ALG13: variants seen among roughly 807,000 people sequenced by gnomAD.
ALG13 encodes ALG13 UDP-N-acetylglucosaminyltransferase subunit, also known as UDP-N-acetylglucosamine transferase subunit ALG13.
Under a neutral mutation model 87.8 loss-of-function variants are expected in ALG13, and 11 were observed. The observed-to-expected ratio is 0.13, with a 90% CI of 0.08 to 0.21. The LOEUF is 0.21. Among genes scored for constraint, ALG13 ranks in the 10% least tolerant of loss-of-function variants. The probability of loss-of-function intolerance (pLI) is 1.00; values close to 1 mark genes in which losing one functional copy is unlikely to be tolerated. For synonymous variants in ALG13, 320 were observed against 306.3 expected (o/e 1.04, Z -0.47); for missense variants, 756 against 866.1 (o/e 0.87, Z 1.60).
At chrX:111,733,402 C>T (rs1942916856) in intron 21 of ALG13, among the ~76,000 whole-genome samples, 1 of 111,515 alleles carries the variant, frequency 9.0e-6, no homozygotes. Flanking sequence ...TTTTCCATTC[C>T]TGAGTTACTT....
At chrX:111,730,292 T>A (rs770312176) in intron 19 of ALG13, 103 bp from the exon 20 acceptor site, 3 of 692,557 alleles carry the variant, frequency 4.3e-6, no homozygotes, top group Admixed American at 2.9e-5. Flanking sequence ...TTTGAACATA[T>A]AACCATAAAA....
intron 24 of ALG13, among the ~76,000 whole-genome samples, chrX:111,749,659 CTT>C (rs1161624680): frequency 5.8e-5 from 6 of 103,058 alleles, no homozygotes; most frequent in African/African-American, 3.5e-5. Flanking sequence ...GGTTTCTCAA[CTT>C]TTTTTTTTTT....
chrX:111,759,392 T>C (rs1335662989), intron 26 of ALG13, among the ~76,000 whole-genome samples: 1 of 111,297 alleles, frequency 9.0e-6, no homozygotes, highest in African/African-American at 3.3e-5. Flanking sequence ...GTAAAACTAT[T>C]GGATAACTCA....
chrX:111,750,663 ATTTATTTAT>A (rs1944649019), intron 24 of ALG13, among the ~76,000 whole-genome samples: 1 of 107,489 alleles, frequency 9.3e-6, no homozygotes, highest in African/African-American at 3.4e-5. Flanking sequence ...TTACTTATTT[ATTTATTTAT>A]TTATTTATTT....
At position 111,727,607 on chromosome X, in the gene ALG13, A is replaced by G; in HGVS notation, c.2091-7A>G. 1 of 1,194,236 alleles carries G rather than the reference A, an allele frequency of 8.4e-7. No individual in the cohort carries two copies. Among genetic ancestry groups the G allele is most frequent in the Non-Finnish European group, 1.1e-6 (1 of 887,292 alleles). On this transcript the variant is annotated splice_region_variant and splice_polypyrimidine_tract_variant and intron_variant, in intron 17 of 26. Coordinates refer to ENST00000394780, the MANE Select transcript of ALG13 (RefSeq NM_001099922.3). ...TTTTTACTTTTTTATTATTTGAACCACTTAAGTTCATTTAGACGTAGTCAC... is the reference window on the plus strand; with the variant it reads ...TTTTTACTTTTTTATTATTTGAACCGCTTAAGTTCATTTAGACGTAGTCAC...
At chrX:111,749,714 G>A (rs759891896) in intron 24 of ALG13, among the ~76,000 whole-genome samples, 119 of 109,937 alleles carry the variant, frequency 1.1e-3, no homozygotes, top group Middle Eastern at 4.7e-3. Flanking sequence ...GTGTCCCTAT[G>A]TATTTGGGTT....
At chrX:111,738,919 G>A (rs1172506761) in intron 23 of ALG13, among the ~76,000 whole-genome samples, 2 of 108,378 alleles carry the variant, frequency 1.8e-5, no homozygotes, top group Non-Finnish European at 3.8e-5. Context: ...ATTTAAAAGC[G>A]ACATATTTGA....
chrX:111,712,792 C>T (rs960761685), intron 7 of ALG13, among the ~76,000 whole-genome samples: 2 of 112,028 alleles, frequency 1.8e-5, no homozygotes, highest in Non-Finnish European at 1.9e-5. Flanking sequence ...CATTCACTTA[C>T]GCATTGTCTG....
intron 3 of ALG13, chrX:111,689,198 G>A (rs1403847860): frequency 1.1e-4 from 82 of 745,071 alleles, no homozygotes; most frequent in Non-Finnish European, 1.3e-4. Flanking sequence ...AATCTAAAAA[G>A]TGAGTAATCT....
chrX:111,731,234 G>T (rs1310285635), intron 21 of ALG13, among the ~76,000 whole-genome samples: 1 of 112,109 alleles, frequency 8.9e-6, no homozygotes, highest in African/African-American at 3.2e-5. Context: ...TGGGCTATGT[G>T]TAGTACTTGT....
At chrX:111,702,670 G>A (rs377759464) in intron 3 of ALG13, among the ~76,000 whole-genome samples, 2 of 109,845 alleles carry the variant, frequency 1.8e-5, no homozygotes, top group African/African-American at 6.6e-5. Context: ...ATCTTCCTGC[G>A]ATTTCCCCTT....
At chrX:111,742,775 T>A (rs1370759400) in intron 23 of ALG13, among the ~76,000 whole-genome samples, 2 of 112,833 alleles carry the variant, frequency 1.8e-5, no homozygotes, top group Non-Finnish European at 3.7e-5. Context: ...AGTATCTTAT[T>A]GTATATATTT....
chrX:111,742,873 T>G (rs1454544372), intron 23 of ALG13, among the ~76,000 whole-genome samples: 1 of 112,675 alleles, frequency 8.9e-6, no homozygotes, highest in Non-Finnish European at 1.9e-5. Flanking sequence ...TGATTTCTAC[T>G]AGTATTTTAG....
chrX:111,682,112 A>G lies in ALG13; in HGVS notation c.82-20A>G. On this transcript the variant is annotated intron_variant, in intron 1 of 26. Coordinates refer to ENST00000394780, the MANE Select transcript of ALG13 (RefSeq NM_001099922.3). The stretch of plus-strand genomic sequence containing the variant: ...CATAGCCAGTTTAAAAGGCCCTCAC[A>G]TTCTGATTTCCTCTTTCAGAAAATC... 1 of 1,159,940 alleles carries G rather than the reference A, an allele frequency of 8.6e-7. No homozygotes were observed. Among genetic ancestry groups the G allele is most frequent in the Non-Finnish European group, 1.1e-6 (1 of 870,028 alleles).
intron 2 of ALG13, among the ~76,000 whole-genome samples, chrX:111,683,042 A>G (rs1174104708): frequency 2.7e-5 from 3 of 109,867 alleles, no homozygotes; most frequent in African/African-American, 9.9e-5. Flanking sequence ...GAGGAGAGAA[A>G]AGTCTTTAGA....
chrX:111,681,344 C>T (rs766349958), intron 1 of ALG13, 45 bp downstream of exon 1: 2 of 1,206,095 alleles, frequency 1.7e-6, no homozygotes, highest in Non-Finnish European at 2.2e-6. Context: ...TCGCCACCCG[C>T]CATCTCCGGC....
intron 19 of ALG13, 117 bp from the exon 20 acceptor site, chrX:111,730,278 T>C (rs1942532351): frequency 1.7e-6 from 1 of 579,321 alleles, no homozygotes; most frequent in Non-Finnish European, 2.8e-6. Context: ...GTATGCATTT[T>C]AGTTTTGAAC....
intron 7 of ALG13, among the ~76,000 whole-genome samples, 199 bp downstream of exon 7, chrX:111,712,729 T>C (rs1440020621): frequency 8.9e-6 from 1 of 112,162 alleles, no homozygotes; most frequent in African/African-American, 3.2e-5. Context: ...GGAAAAATTA[T>C]ATAAAATTCA....
intron 6 of ALG13, 137 bp downstream of exon 6, chrX:111,711,862 T>A: frequency 1.7e-6 from 1 of 571,551 alleles, no homozygotes; most frequent in Non-Finnish European, 2.7e-6. Flanking sequence ...CCAATAGTTC[T>A]CACATAAGTT....
Sources: allele counts gnomAD v4.1 joint callset (sites outside exome capture counted in the v4.1 genomes callset), GRCh38; gene constraint gnomAD v4.1.1; transcripts MANE v1.5; gene names NCBI Gene and HGNC (gene_info 2026-07-23, HGNC 2026-07-21).